The following HS6ST3 variants were observed in gnomAD, a reference collection of about 807,000 sequenced individuals.
HS6ST3 encodes the protein heparan-sulfate 6-O-sulfotransferase 3.
A neutral mutation model predicts 36.7 loss-of-function variants in HS6ST3; 12 were observed. The observed-to-expected ratio is 0.33, with a 90% confidence interval of 0.21 to 0.53. The LOEUF is 0.53. Among genes scored for constraint, HS6ST3 ranks in the 20% least tolerant of loss-of-function variants. HS6ST3 has a pLI of 0.95. For synonymous variants in HS6ST3, 240 were observed against 257.5 expected, an observed-to-expected ratio of 0.93 and a Z score of 0.65; for missense variants, 584 against 640.9, an observed-to-expected ratio of 0.91 and a Z score of 0.96.
In HS6ST3 at chr13:96,090,815, TGCCGCC is replaced by T. The variant is rs759363125; in HGVS notation, c.-33_-28del. The T allele has an allele frequency of 1.2e-5, 17 of 1,431,176 alleles. No homozygotes were observed. The highest frequency in any genetic ancestry group is 2.5e-5 in the Admixed American group (1 of 40,294). The allele number at this position is 1,431,176 out of a possible 1,614,324, so 88.7% of individuals were successfully genotyped here. A position where few individuals can be genotyped will look rare whatever the true frequency, so the allele number is the denominator to read the frequency against. ...CTTCCGAGCGGGCGCCCGTCCGCCC[TGCCGCC>T]GCCGCCGCCGCCGCTTCGCCTGCCG... On this transcript the variant is annotated 5_prime_UTR_variant, in exon 1 of 2. Coordinates refer to ENST00000376705, the MANE Select transcript of HS6ST3 (RefSeq NM_153456.4).
Position 96,832,680 on chromosome 13 carries a change from G to A in HS6ST3, c.898G>A (p.Asp300Asn). Residue 300 changes from aspartate (D) to asparagine (N), a missense_variant, in exon 2 of 2, where the codon GAT (aspartate) becomes AAT (asparagine). By Grantham distance (23) the Asp-to-Asn change is conservative (BLOSUM62 1). This residue lies in a region of HS6ST3 where 360 missense variants were observed against 411.3 expected (regional missense o/e 0.88). Coordinates refer to ENST00000376705, the MANE Select transcript of HS6ST3 (RefSeq NM_153456.4). ...WSGVSLREFM[D>N]CTYNLANNRQ... ...TGGGGTCAGCTTGCGGGAGTTTATG[G>A]ATTGCACCTACAACCTGGCTAACAA... The A allele has an allele frequency of 6.2e-7, 1 of 1,614,050 alleles. No homozygotes were observed. The highest frequency in any genetic ancestry group is 8.5e-7 in the Non-Finnish European group (1 of 1,179,946).
At chr13:96,101,507 T>C (rs1245371772) in intron 1 of HS6ST3, among the ~76,000 whole-genome samples, 5 of 151,988 alleles carry the variant, frequency 3.3e-5, no homozygotes, top group Admixed American at 2.6e-4. Context: ...CAAAATATTA[T>C]GAAAAGCTTC....
chr13:96,654,170 C>G (rs1594828253), intron 1 of HS6ST3, among the ~76,000 whole-genome samples: 1 of 152,144 alleles, frequency 6.6e-6, no homozygotes, highest in Non-Finnish European at 1.5e-5. Flanking sequence ...CCTGTTCACT[C>G]TGATGATAGT....
At chr13:96,569,785 A>G (rs4627184) in intron 1 of HS6ST3, among the ~76,000 whole-genome samples, 141,969 of 152,164 alleles carry the variant, frequency 0.93, 66,841 homozygotes, top group Non-Finnish European at 1. Flanking sequence ...GGGGTGCAGA[A>G]AAATGTAAAC....
At chr13:96,640,944 G>A (rs930046440) in intron 1 of HS6ST3, among the ~76,000 whole-genome samples, 1 of 151,926 alleles carries the variant, frequency 6.6e-6, no homozygotes, top group Non-Finnish European at 1.5e-5. Flanking sequence ...TGATGTTTTG[G>A]TTACTGCAGA....
At chr13:96,581,369 G>A (rs1367847488) in intron 1 of HS6ST3, among the ~76,000 whole-genome samples, 1 of 152,022 alleles carries the variant, frequency 6.6e-6, no homozygotes, top group Non-Finnish European at 1.5e-5. Context: ...ACAGGTGTAT[G>A]TCACCATGCC....
At chr13:96,242,649 T>C (rs2054566413) in intron 1 of HS6ST3, among the ~76,000 whole-genome samples, 1 of 152,240 alleles carries the variant, frequency 6.6e-6, no homozygotes, top group South Asian at 2.1e-4. Flanking sequence ...TTCTTTTCTT[T>C]TTTAAGGTTG....
chr13:96,183,833 T>C (rs1361272656), intron 1 of HS6ST3, among the ~76,000 whole-genome samples: 2 of 152,020 alleles, frequency 1.3e-5, no homozygotes, highest in Non-Finnish European at 2.9e-5. Flanking sequence ...TGAAGAGAGT[T>C]CTGGAGATAA....
chr13:96,100,742 T>C (rs1051760515), intron 1 of HS6ST3, among the ~76,000 whole-genome samples: 2 of 152,174 alleles, frequency 1.3e-5, no homozygotes, highest in African/African-American at 4.8e-5. Context: ...GCAAGAGAGC[T>C]GATGCATTCT....
chr13:96,527,022 C>T (rs1309547349), intron 1 of HS6ST3, among the ~76,000 whole-genome samples: 1 of 151,826 alleles, frequency 6.6e-6, no homozygotes, highest in Non-Finnish European at 1.5e-5. Context: ...TAAATCATTC[C>T]ACTTATTTCT....
At chr13:96,809,881 T>C (rs1878278437) in intron 1 of HS6ST3, among the ~76,000 whole-genome samples, 2 of 152,210 alleles carry the variant, frequency 1.3e-5, no homozygotes, top group Non-Finnish European at 2.9e-5. Flanking sequence ...CTTATGGGGC[T>C]CACATGAGGT....
At chr13:96,355,617 T>C (rs2055206634) in intron 1 of HS6ST3, among the ~76,000 whole-genome samples, 1 of 152,162 alleles carries the variant, frequency 6.6e-6, no homozygotes, top group Admixed American at 6.5e-5. Flanking sequence ...ACTATTTTAA[T>C]GCTAAAAAAT....
chr13:96,355,358 T>TACACACACAC (rs66509801), intron 1 of HS6ST3, among the ~76,000 whole-genome samples: 14 of 140,580 alleles, frequency 1.0e-4, no homozygotes, highest in Middle Eastern at 3.6e-3. Context: ...AGTCTATAGT[T>TACACACACAC]ACACACACAC....
chr13:96,579,437 G>A (rs1273888209), intron 1 of HS6ST3, among the ~76,000 whole-genome samples: 1 of 151,966 alleles, frequency 6.6e-6, no homozygotes, highest in Non-Finnish European at 1.5e-5. Context: ...CTTTAGTGAA[G>A]TATTGTAGAG....
At chr13:96,514,817 A>G (rs947153716) in intron 1 of HS6ST3, among the ~76,000 whole-genome samples, 1 of 152,180 alleles carries the variant, frequency 6.6e-6, no homozygotes, top group African/African-American at 2.4e-5. Flanking sequence ...CTTGAAGAGG[A>G]GTTATTCATC....
At position 96,402,946 on chromosome 13, in the gene HS6ST3, C is replaced by G. The variant is rs576941229; in HGVS notation, c.707+311377C>G. 7.2e-5 allele frequency among the ~76,000 whole-genome samples: 11 copies of G among 152,228 alleles called. No homozygotes were observed. In the South Asian group the frequency reaches 1.7e-3, roughly 23 times the overall value. ...TAACACCTAGGAGTAGAATCACTGG[C>G]GTGTAGGATAGCTTTGAAAGAAACA... On this transcript the variant is annotated intron_variant, in intron 1 of 1. Transcript: ENST00000376705.
chr13:96,324,767 G>A (rs951323701), intron 1 of HS6ST3, among the ~76,000 whole-genome samples: 3 of 152,164 alleles, frequency 2.0e-5, no homozygotes, highest in Non-Finnish European at 4.4e-5. Flanking sequence ...GCCAAGTAAT[G>A]CCTGGAGCTA....
chr13:96,244,481 A>G (rs1235698500), intron 1 of HS6ST3, among the ~76,000 whole-genome samples: 1 of 152,190 alleles, frequency 6.6e-6, no homozygotes, highest in African/African-American at 2.4e-5. Context: ...GAGGTGTGCT[A>G]ATTTTCTTCT....
rs973769871 is a variant in HS6ST3, at chr13:96,836,991, G to A, written c.*3793G>A. ...GATAGTAGAGAGGAAGTGGAGGGAAGTTGCACATATTGCTTCCAGTCACAT... is the reference window on the plus strand; with the variant it reads ...GATAGTAGAGAGGAAGTGGAGGGAAATTGCACATATTGCTTCCAGTCACAT... On this transcript the variant is annotated 3_prime_UTR_variant, in exon 2 of 2. Transcript: ENST00000376705. The A allele has an allele frequency of 1.3e-5, 2 of 152,034 alleles. No individual in the cohort carries two copies. The highest frequency in any genetic ancestry group is 4.8e-5 in the African/African-American group (2 of 41,380). 9.4% of individuals were successfully genotyped at this position (152,034 alleles called of 1,614,324 possible). A position where few individuals can be genotyped will look rare whatever the true frequency, so the allele number is the denominator to read the frequency against.
Sources: allele counts gnomAD v4.1 joint callset (sites outside exome capture counted in the v4.1 genomes callset), GRCh38; gene constraint gnomAD v4.1.1; regional missense constraint gnomAD v4.1.1; transcripts MANE v1.5; gene names NCBI Gene and HGNC (gene_info 2026-07-23, HGNC 2026-07-21).